Variants in FOCAD observed in about 807,000 individuals in gnomAD.
FOCAD encodes KIAA1797.
In FOCAD, 198 loss-of-function variants were observed where a neutral mutation model predicts 225.6. That is an observed-to-expected ratio of 0.88 (90% CI 0.78 to 0.99). The LOEUF (loss-of-function observed/expected upper bound fraction) is 0.99. Among genes scored for constraint, FOCAD ranks in the 50% least tolerant of loss-of-function variants. The probability of loss-of-function intolerance (pLI) is 0.00; values close to 1 mark genes in which losing one functional copy is unlikely to be tolerated. For synonymous variants in FOCAD, 897 were observed against 755.0 expected, an observed-to-expected ratio of 1.19 and a Z score of -3.08; for missense variants, 2,713 against 2,123.6, an observed-to-expected ratio of 1.28 and a Z score of -5.46.
chr9:20,841,251 T>G (rs552462276), intron 15 of FOCAD, among the ~76,000 whole-genome samples: 3 of 152,068 alleles, frequency 2.0e-5, no homozygotes, highest in African/African-American at 7.2e-5. Flanking sequence ...AGAATGAGTT[T>G]GAAAGTACTT....
intron 23 of FOCAD, among the ~76,000 whole-genome samples, chr9:20,916,003 A>G (rs903253444): frequency 5.3e-5 from 8 of 152,210 alleles, no homozygotes; most frequent in African/African-American, 1.7e-4. Context: ...ATTGAGATCT[A>G]TAGGAGGTGT....
chr9:20,670,557 A>C (rs1822032723), intron 2 of FOCAD, among the ~76,000 whole-genome samples: 1 of 152,152 alleles, frequency 6.6e-6, no homozygotes, highest in Non-Finnish European at 1.5e-5. Flanking sequence ...AGATCTTGTG[A>C]GAATGCATTC....
intron 18 of FOCAD, 130 bp from the exon 19 acceptor site, chr9:20,874,551 G>T: frequency 1.2e-6 from 1 of 817,004 alleles, no homozygotes; most frequent in Non-Finnish European, 1.9e-6. Flanking sequence ...TAATTTCAGT[G>T]GTCTTTTATG....
At chr9:20,698,335 C>A (rs1446603415) in intron 1 of FOCAD, among the ~76,000 whole-genome samples, 1 of 152,010 alleles carries the variant, frequency 6.6e-6, no homozygotes, top group East Asian at 1.9e-4. Context: ...ATATTACTCA[C>A]ATGCACACAT....
At chr9:20,850,587 T>C (rs952199979) in intron 15 of FOCAD, among the ~76,000 whole-genome samples, 4 of 151,776 alleles carry the variant, frequency 2.6e-5, no homozygotes, top group Non-Finnish European at 5.9e-5. Context: ...TAAATGCCAA[T>C]TTACATGATT....
chr9:20,865,658 C>T lies in FOCAD; in HGVS notation c.2056-268C>T, dbSNP rs571541311. ...TGAAAGAGTGACATTTCTGTTAGTA[C>T]TTGAAGGGACTAAGAGTAAGAAATG... On this transcript the variant is annotated intron_variant, in intron 16 of 43. Transcript: ENST00000338382. 7.9e-5 allele frequency among the ~76,000 whole-genome samples: 12 copies of T among 152,114 alleles called. No homozygotes were observed. The South Asian group carries it at 2.1e-3, about 26-fold the overall frequency.
intron 1 of FOCAD, among the ~76,000 whole-genome samples, chr9:20,687,408 A>G (rs552891828): frequency 6.6e-6 from 1 of 152,162 alleles, no homozygotes; most frequent in Non-Finnish European, 1.5e-5. Context: ...TGGGTGTTGT[A>G]ACTGTAGTTT....
chr9:20,820,540 T>A (rs1824209298), intron 13 of FOCAD, 115 bp downstream of exon 13: 1 of 770,038 alleles, frequency 1.3e-6, no homozygotes, highest in Non-Finnish European at 2.0e-6. Flanking sequence ...GTGGCATCAG[T>A]GATTGCATTG....
chr9:20,835,781 T>C (rs953439400), intron 15 of FOCAD, among the ~76,000 whole-genome samples: 2 of 152,122 alleles, frequency 1.3e-5, no homozygotes, highest in Non-Finnish European at 2.9e-5. Flanking sequence ...GCTGTGAGTC[T>C]GTTGTAGCAA....
chr9:20,881,057 A>T (rs1830627983), intron 19 of FOCAD, among the ~76,000 whole-genome samples: 1 of 152,224 alleles, frequency 6.6e-6, no homozygotes, highest in African/African-American at 2.4e-5. Flanking sequence ...AATTAGAAAG[A>T]ACACAAGCAA....
chr9:20,929,250 C>G, intron 26 of FOCAD, 108 bp from the exon 27 acceptor site: 3 of 785,928 alleles, frequency 3.8e-6, no homozygotes, highest in Non-Finnish European at 6.3e-6. Context: ...TGGGTGTCGG[C>G]CGGGGTGGAT....
At chr9:20,884,234 G>A (rs530667858) in intron 20 of FOCAD, among the ~76,000 whole-genome samples, 1 of 152,202 alleles carries the variant, frequency 6.6e-6, no homozygotes, top group East Asian at 1.9e-4. Context: ...TAAGTAAATT[G>A]TAAATAATAT....
chr9:20,964,454 C>G (rs1024849579), intron 35 of FOCAD, among the ~76,000 whole-genome samples: 3 of 152,062 alleles, frequency 2.0e-5, no homozygotes, highest in African/African-American at 4.8e-5. Context: ...TCTTGAACTC[C>G]CAGTATTACA....
chr9:20,776,539 C>G (rs1818775638), intron 8 of FOCAD, among the ~76,000 whole-genome samples: 1 of 152,192 alleles, frequency 6.6e-6, no homozygotes, highest in Non-Finnish European at 1.5e-5. Flanking sequence ...CCACCATTTA[C>G]TTTTCCTTAT....
intron 35 of FOCAD, among the ~76,000 whole-genome samples, chr9:20,968,144 T>A (rs1179081599): frequency 6.6e-6 from 1 of 152,126 alleles, no homozygotes; most frequent in African/African-American, 2.4e-5. Context: ...TTGTTATAGG[T>A]CTGTTAAACT....
chr9:20,736,838 G>A (rs932995383), intron 4 of FOCAD, among the ~76,000 whole-genome samples: 3 of 151,996 alleles, frequency 2.0e-5, no homozygotes, highest in Non-Finnish European at 4.4e-5. Context: ...AGATTCCCTA[G>A]TTAATTCAAA....
intron 20 of FOCAD, 33 bp downstream of exon 20, chr9:20,882,089 T>C: frequency 6.4e-7 from 1 of 1,569,184 alleles, no homozygotes; most frequent in East Asian, 2.3e-5. Flanking sequence ...AAAATACAGG[T>C]TTTTCATGTA....
At chr9:20,743,280 A>T (rs188939025) in intron 5 of FOCAD, among the ~76,000 whole-genome samples, 17 of 152,320 alleles carry the variant, frequency 1.1e-4, no homozygotes, top group African/African-American at 4.1e-4. Context: ...TTTAAAATAG[A>T]AGGAGTATGG....
At chr9:20,658,087 C>CTCAGGGG (rs532816456), upstream of FOCAD, among the ~76,000 whole-genome samples, 769 of 149,156 alleles carry the variant, frequency 5.2e-3, 11 homozygotes, top group African/African-American at 0.018. Flanking sequence ...AGTTAGGCTG[C>CTCAGGGG]TCAGGGGTCA....
Sources: gnomAD v4.1 joint callset for allele counts (sites outside exome capture counted in the v4.1 genomes callset) on GRCh38, gnomAD v4.1.1 for gene constraint, MANE v1.5 for transcripts, NCBI Gene and HGNC (gene_info 2026-07-23, HGNC 2026-07-21) for gene names.